NKX2-6: variants seen among roughly 807,000 people sequenced by gnomAD.
The protein encoded by NKX2-6 is homeobox protein Nkx-2.6.
NKX2-6 carries 8 observed loss-of-function variants against 8.6 expected under a neutral mutation model. The ratio of observed to expected loss-of-function variants is 0.93; its 90% CI spans 0.54 to 1.67. The LOEUF (loss-of-function observed/expected upper bound fraction) is 1.67, where lower values mean the gene tolerates loss of function less well. NKX2-6 is among the 40% of genes most tolerant of loss of function. The probability of loss-of-function intolerance (pLI) is 0.00; values close to 1 mark genes in which losing one functional copy is unlikely to be tolerated. For missense variants in NKX2-6, 475 were observed against 423.1 expected, an observed-to-expected ratio of 1.12 and a Z score of -1.08; for synonymous variants, 210 against 199.3, an observed-to-expected ratio of 1.05 and a Z score of -0.45.
rs774990509 is a variant in NKX2-6 at position 23,702,950 on chromosome 8, C to T, written c.407G>A (p.Arg136His). 2 of 1,547,840 alleles carry T rather than the reference C, an allele frequency of 1.3e-6. No homozygotes were observed. Among genetic ancestry groups the T allele is most frequent in the South Asian group, 1.2e-5 (1 of 83,902 alleles). Residue 136 changes from arginine to histidine, a missense_variant, in exon 2 of 2, where the codon CGC becomes CAC. Transcript: ENST00000325017. ...CACCTGCGCCTGCGAAAAGAGCACG[C>T]GCGGCTTCCGTCGTTGCCGCGCCTT... Reference protein sequence around the residue: ...QPKARQRRKPRVLFSQAQVLA... With the variant: ...QPKARQRRKPHVLFSQAQVLA...
rs929665250 is a variant in NKX2-6, at chr8:23,702,820, C to T, written c.537G>A (p.Trp179Ter). 1.0e-5 allele frequency: 16 copies of T among 1,572,920 alleles called. No homozygotes were observed. The highest frequency in any genetic ancestry group is 6.8e-5 in the African/African-American group (5 of 74,034). Residue 179 changes from tryptophan (W) to a stop codon, truncating the protein, a stop_gained, in exon 2 of 2, where the codon TGG becomes TGA. Transcript: ENST00000325017. LOFTEE classifies it low-confidence loss of function (END_TRUNC). ...LQLTSTQVKI[W>*]FQNRRYKCKR... ...TGCATTTGTAGCGTCGGTTCTGGAA[C>T]CAGATCTTGACCTGCGTGGACGTGA...
Position 23,703,026 on chromosome 8 carries a change from C to G in NKX2-6, c.331G>C (p.Gly111Arg), listed in dbSNP as rs1039509893. The G allele has an allele frequency of 1.3e-6, 2 of 1,540,560 alleles. No homozygotes were observed. Among genetic ancestry groups the G allele is most frequent in the Admixed American group, 2.0e-5 (1 of 50,908 alleles). The change falls in exon 2 of 2, where the codon GGC becomes CGC. Residue 111 changes from glycine (G) to arginine (R), a missense_variant. Transcript: ENST00000325017. ...ACGCTGTCGCCGCTGTTGCCAACGC[C>G]GCGCTCTGGCACCCTGGTCCCGCCG... The part of the protein sequence containing the change: ...LGGGTRVPER[G>R]VGNSGDSVRG...
At chr8:23,703,364 T>A (rs966404364) in intron 1 of NKX2-6, among the ~76,000 whole-genome samples, 7 of 152,166 alleles carry the variant, frequency 4.6e-5, no homozygotes, top group Admixed American at 1.3e-4. Context: ...AGGTAGACTC[T>A]AGATAAAGAG....
intron 1 of NKX2-6, among the ~76,000 whole-genome samples, chr8:23,705,547 G>A (rs1801077147): frequency 6.6e-6 from 1 of 152,194 alleles, no homozygotes; most frequent in Non-Finnish European, 1.5e-5. Flanking sequence ...CTCCCGGATC[G>A]ACGCAACACA....
At position 23,706,479 on chromosome 8, in the gene NKX2-6, G is replaced by C. The variant is rs757414567; in HGVS notation, c.120C>G (p.Asn40Lys). ...CTGCGTCCATTCTCAGGTACTGAAA[G>C]TTTTCCGGGCTCTTCCGCACCCGCG... The part of the protein sequence containing the change: ...PHPRVRKSPE[N>K]FQYLRMDAEP... The change falls in exon 1 of 2, where the codon AAC (asparagine) becomes AAG (lysine). Residue 40 changes from asparagine (N) to lysine (K), a missense_variant. Coordinates refer to ENST00000325017, the MANE Select transcript of NKX2-6 (RefSeq NM_001136271.3). 79 of 1,542,322 alleles carry C rather than the reference G, an allele frequency of 5.1e-5. No homozygotes were observed. The highest frequency in any genetic ancestry group is 6.5e-5 in the Non-Finnish European group (75 of 1,146,948).
chr8:23,704,539 C>T (rs781308381), intron 1 of NKX2-6, among the ~76,000 whole-genome samples: 10 of 152,184 alleles, frequency 6.6e-5, no homozygotes, highest in Non-Finnish European at 1.0e-4. Context: ...CATGGCAAGA[C>T]GGGACAGGAC....
intron 1 of NKX2-6, 38 bp from the exon 2 acceptor site, chr8:23,703,120 A>T: frequency 6.6e-7 from 1 of 1,524,734 alleles, no homozygotes; most frequent in South Asian, 1.2e-5. Context: ...CGCCCAGCCT[A>T]AGGCTCACCT....
chr8:23,703,197 C>A, intron 1 of NKX2-6, 115 bp from the exon 2 acceptor site: 1 of 1,249,056 alleles, frequency 8.0e-7, no homozygotes, highest in Non-Finnish European at 1.1e-6. Flanking sequence ...GCAGGCTCCT[C>A]CTCCCTCCTA....
At chr8:23,706,136 G>A (rs1280771900) in intron 1 of NKX2-6, among the ~76,000 whole-genome samples, 189 bp downstream of exon 1, 1 of 152,210 alleles carries the variant, frequency 6.6e-6, no homozygotes, top group Non-Finnish European at 1.5e-5. Flanking sequence ...TTAGGGGTGT[G>A]TGAAGCACAC....
At position 23,706,390 on chromosome 8, in the gene NKX2-6, G is replaced by A. The variant is rs1316409480; in HGVS notation, c.209C>T (p.Ser70Leu). 3.3e-5 allele frequency: 51 copies of A among 1,551,226 alleles called. No individual in the cohort carries two copies. Among genetic ancestry groups the A allele is most frequent in the Non-Finnish European group, 4.3e-5 (49 of 1,146,990 alleles). Residue 70 changes from serine to leucine, a missense_variant, in exon 1 of 2, where the codon TCG becomes TTG. Physicochemically the swap from Ser to Leu is moderately radical, Grantham distance 145. Coordinates refer to ENST00000325017, the MANE Select transcript of NKX2-6 (RefSeq NM_001136271.3). ...CTCACAGGGACCCCCAGGAGGCTCC[G>A]AACCATCCAGCTTTCTGTCACCGCC... ...GGGGDRKLDGSEPPGGPCEAV... is the reference protein window; with the variant it reads ...GGGGDRKLDGLEPPGGPCEAV...
At position 23,702,472 on chromosome 8, in the gene NKX2-6, C is replaced by A. The variant is rs1408151859; in HGVS notation, c.885G>T (p.Leu295=). ...ATPQGHLAAT[L]QGVRAW ...AGCCTCACCAGGCCCTGACACCCTG[C>A]AGCGTGGCTGCCAGATGGCCCTGCG... Residue 295 remains leucine (L), a synonymous_variant, in exon 2 of 2, where the codon CTG becomes CTT. Transcript: ENST00000325017. 6 of 1,490,228 alleles carry A rather than the reference C, an allele frequency of 4.0e-6. No individual in the cohort carries two copies. The African/African-American group carries it at 6.9e-5, about 17-fold the overall frequency. The allele number at this position is 1,490,228 out of a possible 1,614,324, so 92.3% of individuals were successfully genotyped here. A position where few individuals can be genotyped will look rare whatever the true frequency, so the allele number is the denominator to read the frequency against.
rs1443418447 is a variant in NKX2-6 at position 23,702,475 on chromosome 8, C to T, written c.882G>A (p.Thr294=). The T allele has an allele frequency of 7.4e-6, 11 of 1,492,260 alleles. No individual in the cohort carries two copies. The South Asian group carries it at 1.0e-4, about 14-fold the overall frequency. The allele number at this position is 1,492,260 out of a possible 1,614,324, so 92.4% of individuals were successfully genotyped here. ...NATPQGHLAA[T]LQGVRAW Reference sequence around the variant, plus strand: ...CTCACCAGGCCCTGACACCCTGCAGCGTGGCTGCCAGATGGCCCTGCGGGG... The same window carrying T: ...CTCACCAGGCCCTGACACCCTGCAGTGTGGCTGCCAGATGGCCCTGCGGGG... The change falls in exon 2 of 2, where the codon ACG becomes ACA. Residue 294 remains threonine, a synonymous_variant. Transcript: ENST00000325017.
chr8:23,703,733 A>G (rs1019338085), intron 1 of NKX2-6, among the ~76,000 whole-genome samples: 2 of 152,090 alleles, frequency 1.3e-5, no homozygotes, highest in Non-Finnish European at 2.9e-5. Flanking sequence ...AACAAAAAAA[A>G]AACTGTGTGT....
rs1801016560 is a variant in NKX2-6, at chr8:23,702,315, A to T, written c.*136T>A. ...TGACTGTGGTGCAGATCGCAGTTTC[A>T]GAGATCCCTCCGGAAAGAAGCGCCG... On this transcript the variant is annotated 3_prime_UTR_variant, in exon 2 of 2. Transcript: ENST00000325017. The T allele has an allele frequency of 3.0e-6, 3 of 992,062 alleles. No individual in the cohort carries two copies. Among genetic ancestry groups the T allele is most frequent in the African/African-American group, 3.3e-5 (2 of 60,874 alleles). 61.5% of individuals were successfully genotyped at this position (992,062 alleles called of 1,614,324 possible). A position where few individuals can be genotyped will look rare whatever the true frequency, so the allele number is the denominator to read the frequency against.
At chr8:23,706,292 C>G in intron 1 of NKX2-6, 33 bp downstream of exon 1, 1 of 1,508,696 alleles carries the variant, frequency 6.6e-7, no homozygotes, top group Non-Finnish European at 8.9e-7. Context: ...CCACATTCCC[C>G]CCGTAGGAGG....
At chr8:23,703,227 C>T in intron 1 of NKX2-6, 145 bp from the exon 2 acceptor site, 1 of 921,236 alleles carries the variant, frequency 1.1e-6, no homozygotes, top group Non-Finnish European at 1.6e-6. Context: ...AACCCTGTCC[C>T]AGGACGAACC....
In NKX2-6 at chr8:23,702,319, A is replaced by G. The variant is rs1801016653; in HGVS notation, c.*132T>C. ...TGTGGTGCAGATCGCAGTTTCAGAG[A>G]TCCCTCCGGAAAGAAGCGCCGTTGG... On this transcript the variant is annotated 3_prime_UTR_variant, in exon 2 of 2. Coordinates refer to ENST00000325017, the MANE Select transcript of NKX2-6 (RefSeq NM_001136271.3). 1.9e-5 allele frequency: 19 copies of G among 1,014,076 alleles called. No individual in the cohort carries two copies. The Middle Eastern group carries it at 1.3e-3, about 68-fold the overall frequency. 62.8% of individuals were successfully genotyped at this position (1,014,076 alleles called of 1,614,324 possible). A position where few individuals can be genotyped will look rare whatever the true frequency, so the allele number is the denominator to read the frequency against.
chr8:23,703,798 T>C (rs73546804), intron 1 of NKX2-6, among the ~76,000 whole-genome samples: 288 of 151,958 alleles, frequency 1.9e-3, no homozygotes, highest in African/African-American at 6.6e-3. Flanking sequence ...TCTATCAGAT[T>C]GAGGAGACTT....
chr8:23,706,524 G>A lies in NKX2-6; in HGVS notation c.75C>T (p.Cys25=). Residue 25 remains cysteine (C), a synonymous_variant, in exon 1 of 2, where the codon TGC becomes TGT. Transcript: ENST00000325017. ...CCCGCGGATGTGGCGAAGCCGCGGG[G>A]CAGCTCCGCTCGCGCTCCAGTCGCA... ...DILRLERERS[C]PAASPHPRVR... The A allele has an allele frequency of 6.5e-7, 1 of 1,537,356 alleles. No individual in the cohort carries two copies. Among genetic ancestry groups the A allele is most frequent in the Non-Finnish European group, 8.7e-7 (1 of 1,146,926 alleles).
Sources: allele counts gnomAD v4.1 joint callset (sites outside exome capture counted in the v4.1 genomes callset), GRCh38; gene constraint gnomAD v4.1.1; transcripts MANE v1.5; gene names NCBI Gene and HGNC (gene_info 2026-07-23, HGNC 2026-07-21).